SOX15: variants seen among roughly 807,000 people sequenced by gnomAD.
SOX15 encodes transcription factor SOX-15.
SOX15 carries 12 observed loss-of-function variants against 15.9 expected under a neutral mutation model. That is an observed-to-expected ratio of 0.75 (90% CI 0.48 to 1.22). The LOEUF (loss-of-function observed/expected upper bound fraction) is 1.22, where lower values mean the gene tolerates loss of function less well. Among genes scored for constraint, SOX15 ranks in the 50% most tolerant of loss-of-function variants. The probability of loss-of-function intolerance (pLI) is 0.00; values close to 1 mark genes in which losing one functional copy is unlikely to be tolerated. For missense variants in SOX15, 309 were observed against 313.9 expected (o/e 0.98, Z 0.12); for synonymous variants, 149 against 142.8 (o/e 1.04, Z -0.31).
At position 7,589,622 on chromosome 17, in the gene SOX15, C is replaced by A; in HGVS notation, c.55G>T (p.Ala19Ser). The A allele has an allele frequency of 6.4e-7, 1 of 1,552,794 alleles. No individual in the cohort carries two copies. The highest frequency in any genetic ancestry group is 8.7e-7 in the Non-Finnish European group (1 of 1,151,714). The change falls in exon 1 of 2, where the codon GCC becomes TCC. Residue 19 changes from alanine to serine, a missense_variant. Transcript: ENST00000250055. ...GAAGATGAGGAGGCAGCAGCCGTGG[C>A]AGCCGGAGGCTCCAGGCTCCAGGCC... ...DQAWSLEPPA[A>S]TAAASSSSGP...
At position 7,589,889 on chromosome 17, in the gene SOX15, C is replaced by T. The variant is rs547625895; in HGVS notation, c.-213G>A. 1.7e-5 allele frequency: 10 copies of T among 571,546 alleles called. No homozygotes were observed. The highest frequency in any genetic ancestry group is 1.3e-4 in the South Asian group (6 of 45,068). 35.4% of individuals were successfully genotyped at this position (571,546 alleles called of 1,614,324 possible). ...TTTGGGGAGAGTCGAATGCAAAATC[C>T]GCTGTCTGGTGCCCCGGCACTGAAG... is the stretch of plus-strand genomic sequence containing the variant. On this transcript the variant is annotated 5_prime_UTR_variant, in exon 1 of 2. Transcript: ENST00000250055.
chr17:7,588,998 G>T (rs1294124792), intron 1 of SOX15, 146 bp downstream of exon 1: 4 of 694,488 alleles, frequency 5.8e-6, no homozygotes, highest in African/African-American at 5.4e-5. Flanking sequence ...CACAGGCCCC[G>T]GAGGTACTGG....
rs138603215 is a variant in SOX15, at chr17:7,588,504, G to C, written c.576C>G (p.Leu192=). 2 of 1,613,836 alleles carry C rather than the reference G, an allele frequency of 1.2e-6. No individual in the cohort carries two copies. Among genetic ancestry groups the C allele is most frequent in the African/African-American group, 1.3e-5 (1 of 75,038 alleles). Residue 192 remains leucine (L), a synonymous_variant, in exon 2 of 2, where the codon CTC becomes CTG. Transcript: ENST00000250055. ...CKLEAPSPCS[L]PQSDPRLQGE... ...CCTGGAGCCTAGGGTCACTCTGAGG[G>C]AGGGAGCACGGTGAGGGGGCTTCCA...
Position 7,589,851 on chromosome 17 carries a change from C to G in SOX15, c.-175G>C. The G allele has an allele frequency of 3.2e-6, 2 of 615,930 alleles. No homozygotes were observed. The highest frequency in any genetic ancestry group is 5.5e-6 in the Non-Finnish European group (2 of 360,584). The allele number at this position is 615,930 out of a possible 1,614,324, so 38.2% of individuals were successfully genotyped here. ...TTAAACCGGAGCCTTTGCTTCCAAC[C>G]TGTTCGGCACACTTTGGGGAGAGTC... is the stretch of plus-strand genomic sequence containing the variant. On this transcript the variant is annotated 5_prime_UTR_variant, in exon 1 of 2. Transcript: ENST00000250055.
chr17:7,588,332 A>G lies in SOX15; in HGVS notation c.*46T>C, dbSNP rs775513414. Reference sequence around the variant, plus strand: ...TGGGGTAGGGGATGCTGCTGGATTAAAAAAGGAGGATGAGGCCCGTCCCGT... The same window carrying G: ...TGGGGTAGGGGATGCTGCTGGATTAGAAAAGGAGGATGAGGCCCGTCCCGT... On this transcript the variant is annotated 3_prime_UTR_variant, in exon 2 of 2. Transcript: ENST00000250055. 29 of 1,594,036 alleles carry G rather than the reference A, an allele frequency of 1.8e-5. No individual in the cohort carries two copies. Among genetic ancestry groups the G allele is most frequent in the Non-Finnish European group, 2.4e-5 (28 of 1,161,962 alleles).
At position 7,589,184 on chromosome 17, in the gene SOX15, G is replaced by A. The variant is rs1209292947; in HGVS notation, c.493C>T (p.Pro165Ser). Residue 165 changes from proline to serine, a missense_variant, in exon 1 of 2, where the codon CCC becomes TCC. Physicochemically the swap from Pro to Ser is moderately conservative, Grantham distance 74. Coordinates refer to ENST00000250055, the MANE Select transcript of SOX15 (RefSeq NM_006942.2). ...TQPSRGFGYRPPSYSTAYLPG... is the reference protein window; with the variant it reads ...TQPSRGFGYRSPSYSTAYLPG... Reference sequence around the variant, plus strand: ...AGGTAGGCTGTCGAGTAGCTGGGGGGTCTGTACCCAAAGCCTCTGCTCGGT... The same window carrying A: ...AGGTAGGCTGTCGAGTAGCTGGGGGATCTGTACCCAAAGCCTCTGCTCGGT... The A allele has an allele frequency of 2.6e-6, 4 of 1,526,564 alleles. No homozygotes were observed. The highest frequency in any genetic ancestry group is 2.6e-6 in the Non-Finnish European group (3 of 1,133,734). The allele number at this position is 1,526,564 out of a possible 1,614,324, so 94.6% of individuals were successfully genotyped here.
At position 7,589,389 on chromosome 17, in the gene SOX15, C is replaced by T. The variant is rs1290099485; in HGVS notation, c.288G>A (p.Arg96=). Residue 96 remains arginine, a synonymous_variant, in exon 1 of 2, where the codon CGG becomes CGA. Transcript: ENST00000250055. ...GCCGCTTGGCCTCCTCCACGAAGGG[C>T]CGCTTCTCGTCCTCGTCCAGCAGCT... The part of the protein sequence containing the change: ...QWKLLDEDEK[R]PFVEEAKRLR... The T allele has an allele frequency of 6.2e-7, 1 of 1,612,700 alleles. No homozygotes were observed.
Position 7,589,133 on chromosome 17 carries a change from C to T in SOX15, c.533+11G>A. 4 of 1,467,294 alleles carry T rather than the reference C, an allele frequency of 2.7e-6. No homozygotes were observed. Among genetic ancestry groups the T allele is most frequent in the Non-Finnish European group, 3.6e-6 (4 of 1,104,940 alleles). The allele number at this position is 1,467,294 out of a possible 1,614,324, so 90.9% of individuals were successfully genotyped here. A position where few individuals can be genotyped will look rare whatever the true frequency, so the allele number is the denominator to read the frequency against. ...GGGCCTCCGTCTTCGGCCCGCTTCC[C>T]AGGCACTCACCCATAGCTGCCAGGC... On this transcript the variant is annotated intron_variant, in intron 1 of 1. Transcript: ENST00000250055.
rs16956818 is a variant in SOX15, at chr17:7,589,751, A to G, written c.-75T>C. 8,267 of 1,319,576 alleles carry G rather than the reference A, an allele frequency of 6.3e-3. 399 individuals carry two copies. The African/African-American group carries it at 0.11, about 17-fold the overall frequency. 81.7% of individuals were successfully genotyped at this position (1,319,576 alleles called of 1,614,324 possible). ...TGAAGCGTCGATCCTGAAAATGGAA[A>G]GGTCTTCCCAGTCTGGAGTCGTTGC... is the stretch of plus-strand genomic sequence containing the variant. On this transcript the variant is annotated 5_prime_UTR_variant, in exon 1 of 2. Coordinates refer to ENST00000250055, the MANE Select transcript of SOX15 (RefSeq NM_006942.2).
rs1431216766 is a variant in SOX15 at position 7,588,494 on chromosome 17, C to A, written c.586G>T (p.Asp196Tyr). ...AGCAGTTCCCCCTGGAGCCTAGGGT[C>A]ACTCTGAGGGAGGGAGCACGGTGAG... is the stretch of plus-strand genomic sequence containing the variant. ...APSPCSLPQS[D>Y]PRLQGELLPT... Residue 196 changes from aspartate (D) to tyrosine (Y), a missense_variant, in exon 2 of 2, where the codon GAC (aspartate) becomes TAC (tyrosine). Transcript: ENST00000250055. 6.2e-7 allele frequency: 1 copy of A among 1,613,866 alleles called. No individual in the cohort carries two copies. The highest frequency in any genetic ancestry group is 1.1e-5 in the South Asian group (1 of 91,072).
chr17:7,589,283 A>G lies in SOX15; in HGVS notation c.394T>C (p.Ser132Pro). 1.9e-6 allele frequency: 3 copies of G among 1,573,180 alleles called. No individual in the cohort carries two copies. Among genetic ancestry groups the G allele is most frequent in the South Asian group, 1.1e-5 (1 of 87,244 alleles). The part of the protein sequence containing the change: ...RKAKSSGAGP[S>P]RCGQGRGNLA... ...TTGCCTCTTCCCTGTCCGCAGCGGGAAGGTCCGGCGCCCGAGCTCTTGGCC... is the reference window on the plus strand; with the variant it reads ...TTGCCTCTTCCCTGTCCGCAGCGGGGAGGTCCGGCGCCCGAGCTCTTGGCC... Residue 132 changes from serine to proline, a missense_variant, in exon 1 of 2, where the codon TCC becomes CCC. Ser to Pro is a moderately conservative substitution (Grantham distance 74, BLOSUM62 -1). Transcript: ENST00000250055.
In SOX15 at chr17:7,588,227, G is replaced by A; in HGVS notation, c.*151C>T. ...ACTACCAAAAATATAATTGTATGTT[G>A]TGCGGCTCTCCCTGGCTATCATGGG... On this transcript the variant is annotated 3_prime_UTR_variant, in exon 2 of 2. Coordinates refer to ENST00000250055, the MANE Select transcript of SOX15 (RefSeq NM_006942.2). The A allele has an allele frequency of 1.2e-6, 1 of 807,312 alleles. No homozygotes were observed. 50.0% of individuals were successfully genotyped at this position (807,312 alleles called of 1,614,324 possible). A position where few individuals can be genotyped will look rare whatever the true frequency, so the allele number is the denominator to read the frequency against.
In SOX15 at chr17:7,588,180, GAAT is replaced by G; in HGVS notation, c.*195_*197del. On this transcript the variant is annotated 3_prime_UTR_variant, in exon 2 of 2. Transcript: ENST00000250055. ...GACAATAAAGACTGGAGACTCAGTT[GAAT>G]AATACAAAACTGTTTAATACTACCA... 1.4e-6 allele frequency: 1 copy of G among 717,804 alleles called. No individual in the cohort carries two copies. The highest frequency in any genetic ancestry group is 2.6e-6 in the Non-Finnish European group (1 of 391,714). The allele number at this position is 717,804 out of a possible 1,614,324, so 44.5% of individuals were successfully genotyped here.
chr17:7,589,182 G>T lies in SOX15; in HGVS notation c.495C>A (p.Pro165=), dbSNP rs2071629988. 6.6e-7 allele frequency: 1 copy of T among 1,520,504 alleles called. No individual in the cohort carries two copies. The highest frequency in any genetic ancestry group is 2.5e-5 in the East Asian group (1 of 40,362). 94.2% of individuals were successfully genotyped at this position (1,520,504 alleles called of 1,614,324 possible). A position where few individuals can be genotyped will look rare whatever the true frequency, so the allele number is the denominator to read the frequency against. Residue 165 remains proline (P), a synonymous_variant, in exon 1 of 2, where the codon CCC becomes CCA. Transcript: ENST00000250055. Reference sequence around the variant, plus strand: ...GCAGGTAGGCTGTCGAGTAGCTGGGGGGTCTGTACCCAAAGCCTCTGCTCG... The same window carrying T: ...GCAGGTAGGCTGTCGAGTAGCTGGGTGGTCTGTACCCAAAGCCTCTGCTCG... ...TQPSRGFGYR[P]PSYSTAYLPG...
intron 1 of SOX15, among the ~76,000 whole-genome samples, 182 bp from the exon 2 acceptor site, chr17:7,588,728 G>C (rs997100173): frequency 1.3e-5 from 2 of 152,158 alleles, no homozygotes; most frequent in African/African-American, 4.8e-5. Flanking sequence ...GGGCACGCTC[G>C]GGAGCGGGCT....
rs899497095 is a variant in SOX15, at chr17:7,589,089, C to T, written c.533+55G>A. Reference sequence around the variant, plus strand: ...CCTCCGGCATCCGCCCCCACCAAGGCTCCAGAAGAGGGGCGCATGGGCCTC... The same window carrying T: ...CCTCCGGCATCCGCCCCCACCAAGGTTCCAGAAGAGGGGCGCATGGGCCTC... On this transcript the variant is annotated intron_variant, in intron 1 of 1. Transcript: ENST00000250055. The T allele has an allele frequency of 5.6e-6, 8 of 1,417,434 alleles. No homozygotes were observed. In the African/African-American group the frequency reaches 5.8e-5, roughly 10 times the overall value. The allele number at this position is 1,417,434 out of a possible 1,614,324, so 87.8% of individuals were successfully genotyped here.
Position 7,588,212 on chromosome 17 carries a change from AT to A in SOX15, c.*165del. The A allele has an allele frequency of 1.3e-6, 1 of 787,396 alleles. No individual in the cohort carries two copies. 48.8% of individuals were successfully genotyped at this position (787,396 alleles called of 1,614,324 possible). On this transcript the variant is annotated 3_prime_UTR_variant, in exon 2 of 2. Transcript: ENST00000250055. ...ACAAAACTGTTTAATACTACCAAAAATATAATTGTATGTTGTGCGGCTCTCC... is the reference window on the plus strand; with the variant it reads ...ACAAAACTGTTTAATACTACCAAAAAATAATTGTATGTTGTGCGGCTCTCC...
chr17:7,588,304 G>A lies in SOX15; in HGVS notation c.*74C>T, dbSNP rs2071619091. ...AGTCCAACAGGAGAAAGGGTTGACA[G>A]CCTGGGGTAGGGGATGCTGCTGGAT... On this transcript the variant is annotated 3_prime_UTR_variant, in exon 2 of 2. Coordinates refer to ENST00000250055, the MANE Select transcript of SOX15 (RefSeq NM_006942.2). 1.4e-6 allele frequency: 2 copies of A among 1,462,218 alleles called. No homozygotes were observed. Among genetic ancestry groups the A allele is most frequent in the Admixed American group, 3.3e-5 (2 of 59,822 alleles). The allele number at this position is 1,462,218 out of a possible 1,614,324, so 90.6% of individuals were successfully genotyped here.
chr17:7,589,694 A>C lies in SOX15; in HGVS notation c.-18T>G, dbSNP rs1214074067. ...AGCGCCATGGGTTGGGAGAAGCCTTAAGAGGGCGTCCTGAATGCCCTCCCC... is the reference window on the plus strand; with the variant it reads ...AGCGCCATGGGTTGGGAGAAGCCTTCAGAGGGCGTCCTGAATGCCCTCCCC... On this transcript the variant is annotated 5_prime_UTR_variant, in exon 1 of 2. Coordinates refer to ENST00000250055, the MANE Select transcript of SOX15 (RefSeq NM_006942.2). 6 of 1,519,540 alleles carry C rather than the reference A, an allele frequency of 3.9e-6. No homozygotes were observed. The African/African-American group carries it at 7.0e-5, about 18-fold the overall frequency. 94.1% of individuals were successfully genotyped at this position (1,519,540 alleles called of 1,614,324 possible). A position where few individuals can be genotyped will look rare whatever the true frequency, so the allele number is the denominator to read the frequency against.
Sources: allele counts gnomAD v4.1 joint callset (sites outside exome capture counted in the v4.1 genomes callset), GRCh38; gene constraint gnomAD v4.1.1; transcripts MANE v1.5; gene names NCBI Gene and HGNC (gene_info 2026-07-23, HGNC 2026-07-21).